GLRB: variants seen among roughly 807,000 people sequenced by gnomAD.
The protein encoded by GLRB is glycine receptor subunit beta.
A neutral mutation model predicts 54.2 loss-of-function variants in GLRB; 33 were observed. The ratio of observed to expected loss-of-function variants is 0.61; its 90% CI spans 0.46 to 0.81. The LOEUF is 0.81. GLRB is among the 40% of genes least tolerant of loss of function. The pLI is 0.00. For synonymous variants in GLRB, 209 were observed against 208.2 expected (o/e 1.00, Z -0.03); for missense variants, 572 against 584.6 (o/e 0.98, Z 0.22).
At chr4:157,104,456 T>C (rs1735148409) in intron 2 of GLRB, among the ~76,000 whole-genome samples, 1 of 152,064 alleles carries the variant, frequency 6.6e-6, no homozygotes, top group Non-Finnish European at 1.5e-5. Context: ...GAATTGAGTT[T>C]GTTAGTATTT....
chr4:157,091,176 G>A (rs1265183939), intron 2 of GLRB, among the ~76,000 whole-genome samples: 2 of 152,180 alleles, frequency 1.3e-5, no homozygotes, highest in Admixed American at 6.5e-5. Context: ...TAATGTTTTT[G>A]AAACGATTAT....
At chr4:157,142,635 T>C (rs1736658798) in intron 7 of GLRB, among the ~76,000 whole-genome samples, 1 of 152,124 alleles carries the variant, frequency 6.6e-6, no homozygotes, top group Admixed American at 6.6e-5. Context: ...TGTATATTCT[T>C]CCCAGTTAGG....
At chr4:157,143,219 A>G (rs1277328573) in intron 7 of GLRB, among the ~76,000 whole-genome samples, 1 of 152,144 alleles carries the variant, frequency 6.6e-6, no homozygotes, top group African/African-American at 2.4e-5. Context: ...TGTTTGCACC[A>G]TATACATCTT....
chr4:157,170,711 T>C lies in GLRB; in HGVS notation c.1477T>C (p.Trp493Arg), dbSNP rs2126638200. The C allele has an allele frequency of 2.0e-6, 3 of 1,532,160 alleles. No homozygotes were observed. The highest frequency in any genetic ancestry group is 2.7e-6 in the Non-Finnish European group (3 of 1,120,786). The allele number at this position is 1,532,160 out of a possible 1,614,324, so 94.9% of individuals were successfully genotyped here. The change falls in exon 10 of 10, where the codon TGG becomes CGG. Residue 493 changes from tryptophan to arginine, a missense_variant. Physicochemically the swap from Trp to Arg is moderately radical, Grantham distance 101. Coordinates refer to ENST00000264428, the MANE Select transcript of GLRB (RefSeq NM_000824.5). ...CTTCTTGTTCTTCAATGTTATATAT[T>C]GGTCTATATATTTATGATAAATCTT... ...FCFLFFNVIYWSIYL is the reference protein window; with the variant it reads ...FCFLFFNVIYRSIYL
intron 8 of GLRB, among the ~76,000 whole-genome samples, chr4:157,144,245 T>C (rs1736724667): frequency 6.6e-6 from 1 of 152,228 alleles, no homozygotes; most frequent in Non-Finnish European, 1.5e-5. Context: ...CGGATAACTA[T>C]GTCTAAAACC....
At chr4:157,140,634 G>T (rs183781271) in intron 7 of GLRB, among the ~76,000 whole-genome samples, 1 of 151,818 alleles carries the variant, frequency 6.6e-6, no homozygotes, top group African/African-American at 2.4e-5. Context: ...GTACACATTA[G>T]GCTAATGAAA....
At chr4:157,123,630 A>G (rs1174221067) in intron 4 of GLRB, among the ~76,000 whole-genome samples, 6 of 151,826 alleles carry the variant, frequency 4.0e-5, no homozygotes, top group Admixed American at 3.9e-4. Context: ...AATAAAATAT[A>G]AACTACTATA....
chr4:157,145,691 TATA>T (rs1289564905), intron 8 of GLRB, among the ~76,000 whole-genome samples: 1 of 152,138 alleles, frequency 6.6e-6, no homozygotes, highest in East Asian at 1.9e-4. Context: ...ACCAAATAAA[TATA>T]ATATATCATA....
chr4:157,097,880 G>A (rs1734872350), intron 2 of GLRB, among the ~76,000 whole-genome samples: 2 of 152,170 alleles, frequency 1.3e-5, no homozygotes, highest in African/African-American at 4.8e-5. Context: ...AATTAGCCAG[G>A]CATCATGGCA....
At position 157,164,120 on chromosome 4, in the gene GLRB, G is replaced by A. The variant is rs543288379; in HGVS notation, c.1198-6312G>A. ...TACACCAGGAAAACAAACATTTGGA[G>A]TAATTATTATTCCCTTTACCAGTAT... On this transcript the variant is annotated intron_variant, in intron 9 of 9. Transcript: ENST00000264428. Among the ~76,000 whole-genome samples the A allele has an allele frequency of 5.7e-4, 86 of 151,722 alleles. 1 individual carries two copies. Among genetic ancestry groups the A allele is most frequent in the African/African-American group, 2.0e-3 (83 of 41,368 alleles).
At chr4:157,165,868 TG>T (rs1422710415) in intron 9 of GLRB, among the ~76,000 whole-genome samples, 3 of 152,044 alleles carry the variant, frequency 2.0e-5, no homozygotes, top group Non-Finnish European at 4.4e-5. Context: ...TAAAAGCTGC[TG>T]TTTATATGTA....
chr4:157,138,266 G>C (rs1034967631), intron 6 of GLRB, among the ~76,000 whole-genome samples: 1 of 152,202 alleles, frequency 6.6e-6, no homozygotes, highest in South Asian at 2.1e-4. Flanking sequence ...AGTAGACATG[G>C]GGTTTCACTA....
chr4:157,132,299 G>T (rs1285824059), intron 4 of GLRB, among the ~76,000 whole-genome samples: 1 of 151,494 alleles, frequency 6.6e-6, no homozygotes, highest in African/African-American at 2.4e-5. Context: ...TATATATCTT[G>T]GCCTTGATTT....
chr4:157,141,185 T>C (rs1442972739), intron 7 of GLRB, among the ~76,000 whole-genome samples: 3 of 151,958 alleles, frequency 2.0e-5, no homozygotes, highest in African/African-American at 7.2e-5. Flanking sequence ...GAGTCATAAA[T>C]AATTCACTGA....
intron 4 of GLRB, among the ~76,000 whole-genome samples, chr4:157,124,269 ATCT>A (rs1294932169): frequency 1.3e-5 from 2 of 151,678 alleles, no homozygotes; most frequent in Non-Finnish European, 2.9e-5. Flanking sequence ...TTTATTCTTG[ATCT>A]TCTTCTCTTC....
intron 3 of GLRB, 142 bp from the exon 4 acceptor site, chr4:157,122,188 T>G: frequency 2.4e-6 from 1 of 416,602 alleles, no homozygotes; most frequent in Non-Finnish European, 4.4e-6. Flanking sequence ...ATTATGAACA[T>G]GTTATACTGA....
intron 7 of GLRB, among the ~76,000 whole-genome samples, chr4:157,139,906 G>T (rs1424065910): frequency 1.3e-5 from 2 of 151,896 alleles, no homozygotes; most frequent in Non-Finnish European, 2.9e-5. Flanking sequence ...GACAGAATGA[G>T]CTAGAATGCT....
chr4:157,166,172 A>G lies in GLRB; in HGVS notation c.1198-4260A>G, dbSNP rs140695890. On this transcript the variant is annotated intron_variant, in intron 9 of 9. Coordinates refer to ENST00000264428, the MANE Select transcript of GLRB (RefSeq NM_000824.5). Reference sequence around the variant, plus strand: ...GACAGTTTCATTATCACACTACCTCATTTTTGTTGCCAATAATTTTCAGAA... The same window carrying G: ...GACAGTTTCATTATCACACTACCTCGTTTTTGTTGCCAATAATTTTCAGAA... Among the ~76,000 whole-genome samples the G allele has an allele frequency of 3.9e-3, 594 of 152,140 alleles. 5 individuals carry two copies. The highest frequency in any genetic ancestry group is 0.011 in the African/African-American group (471 of 41,560).
intron 8 of GLRB, among the ~76,000 whole-genome samples, chr4:157,149,632 C>T (rs975593665): frequency 6.6e-6 from 1 of 151,750 alleles, no homozygotes; most frequent in African/African-American, 2.4e-5. Context: ...AATAGTAGTA[C>T]TTTTAAATGA....
Sources: allele counts gnomAD v4.1 joint callset (sites outside exome capture counted in the v4.1 genomes callset), GRCh38; gene constraint gnomAD v4.1.1; transcripts MANE v1.5; gene names NCBI Gene and HGNC (gene_info 2026-07-23, HGNC 2026-07-21).